The following NXPH2 variants were observed in gnomAD, a reference collection of about 807,000 sequenced individuals.
NXPH2 encodes neurexophilin 2, also known as neurexophilin-2.
A neutral mutation model predicts 19.8 loss-of-function variants in NXPH2; 5 were observed. The ratio of observed to expected loss-of-function variants is 0.25; its 90% confidence interval spans 0.13 to 0.53. The LOEUF (loss-of-function observed/expected upper bound fraction) is 0.53. Among genes scored for constraint, NXPH2 ranks in the 20% least tolerant of loss-of-function variants. NXPH2 has a pLI of 0.96. For synonymous variants in NXPH2, 154 were observed against 127.4 expected (o/e 1.21, Z -1.41); for missense variants, 289 against 322.8 (o/e 0.90, Z 0.80).
chr2:138,721,070 G>C (rs932833405), intron 1 of NXPH2, among the ~76,000 whole-genome samples: 1 of 152,110 alleles, frequency 6.6e-6, no homozygotes, highest in Non-Finnish European at 1.5e-5. Context: ...GGCTGAGTGT[G>C]GTGGCTCAGG....
At chr2:138,677,986 T>C (rs1217629897) in intron 1 of NXPH2, among the ~76,000 whole-genome samples, 1 of 152,204 alleles carries the variant, frequency 6.6e-6, no homozygotes, top group Non-Finnish European at 1.5e-5. Context: ...CTAACTAAAG[T>C]CCATACTTTA....
intron 1 of NXPH2, among the ~76,000 whole-genome samples, chr2:138,771,335 T>C (rs920555007): frequency 6.6e-6 from 1 of 152,134 alleles, no homozygotes; most frequent in African/African-American, 2.4e-5. Flanking sequence ...GTGCATGATA[T>C]AATTATTATA....
At chr2:138,749,497 G>A (rs1205751587) in intron 1 of NXPH2, among the ~76,000 whole-genome samples, 1 of 151,816 alleles carries the variant, frequency 6.6e-6, no homozygotes, top group Non-Finnish European at 1.5e-5. Context: ...TCCAATAATG[G>A]ATCCCAAATG....
chr2:138,684,564 A>C (rs900184797), intron 1 of NXPH2, among the ~76,000 whole-genome samples: 3 of 152,176 alleles, frequency 2.0e-5, no homozygotes, highest in Admixed American at 1.3e-4. Context: ...TAATAGGTCA[A>C]ATGCTCTGGA....
intron 1 of NXPH2, among the ~76,000 whole-genome samples, chr2:138,749,273 A>C (rs796972546): frequency 6.6e-6 from 1 of 152,118 alleles, no homozygotes; most frequent in Admixed American, 6.6e-5. Flanking sequence ...CATAATTGTA[A>C]GTTTCCTGAG....
chr2:138,755,836 T>G (rs1573979403), intron 1 of NXPH2, among the ~76,000 whole-genome samples: 2 of 152,190 alleles, frequency 1.3e-5, no homozygotes, highest in East Asian at 3.9e-4. Context: ...TAGATTTTTT[T>G]TTGTTTTCTT....
intron 1 of NXPH2, among the ~76,000 whole-genome samples, chr2:138,731,566 G>T (rs1681451157): frequency 1.3e-5 from 2 of 152,006 alleles, no homozygotes; most frequent in African/African-American, 2.4e-5. Context: ...CTAATCCCTT[G>T]GTAGGTAGGG....
chr2:138,775,082 TG>T, intron 1 of NXPH2, among the ~76,000 whole-genome samples: 1 of 152,192 alleles, frequency 6.6e-6, no homozygotes, highest in Non-Finnish European at 1.5e-5. Flanking sequence ...TACGTGCTAC[TG>T]AAGTGAGCAC....
At chr2:138,718,440 T>C (rs1425000517) in intron 1 of NXPH2, among the ~76,000 whole-genome samples, 1 of 152,148 alleles carries the variant, frequency 6.6e-6, no homozygotes, top group Non-Finnish European at 1.5e-5. Context: ...TGACTATGAA[T>C]TTAGAATTCC....
rs577618047 is a variant in NXPH2 at position 138,768,689 on chromosome 2, A to C, written c.51+11502T>G. ...ATTTTAATAATTTCTTCTCTGCTTA[A>C]GTTAGTCAGAATCAGTTTCTGTTGC... On this transcript the variant is annotated intron_variant, in intron 1 of 1. Coordinates refer to ENST00000272641, the MANE Select transcript of NXPH2 (RefSeq NM_007226.3). Among the ~76,000 whole-genome samples the C allele has an allele frequency of 5.3e-5, 8 of 152,338 alleles. No homozygotes were observed. The South Asian group carries it at 1.5e-3, about 28-fold the overall frequency.
chr2:138,726,540 A>G (rs1681362510), intron 1 of NXPH2, among the ~76,000 whole-genome samples: 1 of 151,852 alleles, frequency 6.6e-6, no homozygotes, highest in African/African-American at 2.4e-5. Flanking sequence ...ACACACACAC[A>G]CACACACACA....
chr2:138,685,028 T>C (rs1680627620), intron 1 of NXPH2, among the ~76,000 whole-genome samples: 1 of 152,228 alleles, frequency 6.6e-6, no homozygotes, highest in Non-Finnish European at 1.5e-5. Flanking sequence ...CCATGTGTCT[T>C]TGGCAAAAGT....
At chr2:138,775,512 A>C (rs1410251260) in intron 1 of NXPH2, among the ~76,000 whole-genome samples, 1 of 152,150 alleles carries the variant, frequency 6.6e-6, no homozygotes, top group Non-Finnish European at 1.5e-5. Context: ...ATAAAGACTT[A>C]TAAAAGGGCA....
At chr2:138,677,660 C>T (rs1573950290) in intron 1 of NXPH2, among the ~76,000 whole-genome samples, 1 of 152,064 alleles carries the variant, frequency 6.6e-6, no homozygotes, top group Non-Finnish European at 1.5e-5. Context: ...CATTTTTTCC[C>T]AAGAGGCAGA....
At chr2:138,711,727 C>G (rs1681108282) in intron 1 of NXPH2, among the ~76,000 whole-genome samples, 1 of 152,184 alleles carries the variant, frequency 6.6e-6, no homozygotes, top group Admixed American at 6.5e-5. Context: ...AGACATGTCC[C>G]CTCCAGCTCC....
chr2:138,749,785 G>C lies in NXPH2; in HGVS notation c.51+30406C>G, dbSNP rs187232524. The stretch of plus-strand genomic sequence containing the variant: ...TCTCTTATAAAAACACCACAACCTA[G>C]ATTTTGTTCTTTGTAAGAGATAAAA... On this transcript the variant is annotated intron_variant, in intron 1 of 1. Coordinates refer to ENST00000272641, the MANE Select transcript of NXPH2 (RefSeq NM_007226.3). Among the ~76,000 whole-genome samples, 7 of 152,226 alleles carry C rather than the reference G, an allele frequency of 4.6e-5. 1 individual carries two copies. Among genetic ancestry groups the C allele is most frequent in the Admixed American group, 4.6e-4 (7 of 15,282 alleles).
chr2:138,722,690 T>C (rs1681299714), intron 1 of NXPH2, among the ~76,000 whole-genome samples: 1 of 152,064 alleles, frequency 6.6e-6, no homozygotes, highest in South Asian at 2.1e-4. Flanking sequence ...GTGGAAGAGG[T>C]GTTCAGTGGT....
chr2:138,680,195 C>A (rs1573951427), intron 1 of NXPH2, among the ~76,000 whole-genome samples: 1 of 152,104 alleles, frequency 6.6e-6, no homozygotes, highest in Non-Finnish European at 1.5e-5. Context: ...GCACACTGTG[C>A]AAGCCACATT....
At chr2:138,763,686 C>T (rs1682050520) in intron 1 of NXPH2, among the ~76,000 whole-genome samples, 1 of 152,082 alleles carries the variant, frequency 6.6e-6, no homozygotes. Flanking sequence ...GAAGTCTTGT[C>T]CCAAAGGATC....
Sources: gnomAD v4.1 joint callset for allele counts (sites outside exome capture counted in the v4.1 genomes callset) on GRCh38, gnomAD v4.1.1 for gene constraint, MANE v1.5 for transcripts, NCBI Gene and HGNC (gene_info 2026-07-23, HGNC 2026-07-21) for gene names.